Variants in CACNA1A observed in about 807,000 individuals in gnomAD.
CACNA1A encodes calcium voltage-gated channel subunit alpha1 A.
Under a neutral mutation model 262.4 loss-of-function variants are expected in CACNA1A, and 57 were observed. The ratio of observed to expected loss-of-function variants is 0.22; its 90% CI spans 0.18 to 0.27. CACNA1A has a LOEUF of 0.27. Among genes scored for constraint, CACNA1A ranks in the 10% least tolerant of loss-of-function variants. The pLI, the probability that CACNA1A is intolerant of heterozygous loss-of-function variation, is 1.00. For synonymous variants in CACNA1A, 1,431 were observed against 1,419.3 expected (o/e 1.01, Z -0.18); for missense variants, 2,526 against 3,562.8 (o/e 0.71, Z 7.41).
At chr19:13,266,553 T>C (rs1422547049) in intron 24 of CACNA1A, among the ~76,000 whole-genome samples, 1 of 151,936 alleles carries the variant, frequency 6.6e-6, no homozygotes, top group Non-Finnish European at 1.5e-5. Flanking sequence ...CATGGCCATT[T>C]TATTTTTTTA....
At chr19:13,306,177 G>C (rs1019906662) in intron 15 of CACNA1A, among the ~76,000 whole-genome samples, 1 of 152,050 alleles carries the variant, frequency 6.6e-6, no homozygotes, top group Non-Finnish European at 1.5e-5. Flanking sequence ...GAGAAGGAGA[G>C]AGTGAAGTCA....
At chr19:13,235,916 A>T in intron 31 of CACNA1A, 186 bp from the exon 32 acceptor site, 4 of 521,050 alleles carry the variant, frequency 7.7e-6, no homozygotes, top group East Asian at 3.1e-5. Flanking sequence ...AAAAGGAATA[A>T]TGTTGGGAGA....
Position 13,450,461 on chromosome 19 carries a change from C to T in CACNA1A, c.539+2415G>A, listed in dbSNP as rs2060896539. 3.3e-5 allele frequency: 5 copies of T among 152,454 alleles called. 1 individual carries two copies. In the South Asian group the frequency reaches 8.3e-4, roughly 25 times the overall value. The allele number at this position is 152,454 out of a possible 1,614,324, so 9.4% of individuals were successfully genotyped here. On this transcript the variant is annotated intron_variant, in intron 3 of 46. Transcript: ENST00000360228. ...CCCCTGCCTGCCACACATCCCATCC[C>T]TCCCCTGCTTTATTTTTCCTCTGTA...
At chr19:13,429,255 T>C (rs1478396397) in intron 3 of CACNA1A, among the ~76,000 whole-genome samples, 1 of 151,370 alleles carries the variant, frequency 6.6e-6, no homozygotes, top group Non-Finnish European at 1.5e-5. Flanking sequence ...TAAAATTAGC[T>C]CCATCTCTAG....
At position 13,207,395 on chromosome 19, in the gene CACNA1A, T is replaced by C. The variant is rs1600072715; in HGVS notation, c.7439A>G (p.His2480Arg). 1 of 1,538,984 alleles carries C rather than the reference T, an allele frequency of 6.5e-7. No individual in the cohort carries two copies. The highest frequency in any genetic ancestry group is 2.4e-5 in the East Asian group (1 of 40,884). ...CGGCCCGCGGGGCCTGGCCAGTCCGTGCGCCGGGTAGTAGCCGTTGGGGAG... is the reference window on the plus strand; with the variant it reads ...CGGCCCGCGGGGCCTGGCCAGTCCGCGCGCCGGGTAGTAGCCGTTGGGGAG... ...RRLPNGYYPA[H>R]GLARPRGPGS... Residue 2480 changes from histidine to arginine, a missense_variant, in exon 47 of 47, where the codon CAC becomes CGC. By Grantham distance (29) the His-to-Arg change is conservative. This residue lies in a region of CACNA1A where 929 missense variants were observed against 868.1 expected (regional missense o/e 1.07). Coordinates refer to ENST00000360228, the MANE Select transcript of CACNA1A (RefSeq NM_001127222.2). The surrounding 1 kb of genome is among the most constrained non-coding windows in gnomAD (Gnocchi z 5.7).
intron 15 of CACNA1A, chr19:13,307,539 G>C (rs995449309): frequency 1.7e-5 from 8 of 481,038 alleles, no homozygotes; most frequent in African/African-American, 1.6e-4. Flanking sequence ...TGGCCAAAGT[G>C]CTGGGATTAT....
chr19:13,370,701 G>C (rs2059307495), intron 4 of CACNA1A: 1 of 149,598 alleles, frequency 6.7e-6, no homozygotes, highest in Non-Finnish European at 1.5e-5. Flanking sequence ...TGGGATTCCA[G>C]GTGTGAGCCA....
chr19:13,262,656 G>A (rs962825188), intron 25 of CACNA1A, 78 bp downstream of exon 25: 1 of 824,576 alleles, frequency 1.2e-6, no homozygotes, highest in Admixed American at 2.0e-5. Flanking sequence ...TTGTCCTTGA[G>A]CAGTGTACAA....
At chr19:13,449,086 C>T (rs1434701113) in intron 3 of CACNA1A, among the ~76,000 whole-genome samples, 1 of 151,968 alleles carries the variant, frequency 6.6e-6, no homozygotes, top group African/African-American at 2.4e-5. Context: ...CCCACCTCAG[C>T]CTCCTGAGTA....
At position 13,368,252 on chromosome 19, in the gene CACNA1A, G is replaced by A. The variant is rs148069416; in HGVS notation, c.632-2783C>T. On this transcript the variant is annotated intron_variant, in intron 4 of 46. Coordinates refer to ENST00000360228, the MANE Select transcript of CACNA1A (RefSeq NM_001127222.2). ...ATTGCTTGAGTCTGGGGAGGTTGAG[G>A]CTGTACTGAGCTGTGATTGCACCAC... 9.5e-3 allele frequency among the ~76,000 whole-genome samples: 1,453 copies of A among 152,156 alleles called. 18 individuals carry two copies. Among genetic ancestry groups the A allele is most frequent in the African/African-American group, 0.033 (1,364 of 41,504 alleles).
intron 12 of CACNA1A, among the ~76,000 whole-genome samples, chr19:13,310,454 CAAAAAAAAAAAAAAAAAAAA>C (rs869052278): frequency 6.9e-4 from 18 of 25,902 alleles, no homozygotes; most frequent in African/African-American, 4.1e-3. Context: ...GACTCTGTCT[CAAAAAAAAAAAAAAAAAAAA>C]AAAAAAAAAA....
chr19:13,208,809 G>A lies in CACNA1A; in HGVS notation c.6727C>T (p.Gln2243Ter). 1 of 1,548,692 alleles carries A rather than the reference G, an allele frequency of 6.5e-7. No homozygotes were observed. The highest frequency in any genetic ancestry group is 8.7e-7 in the Non-Finnish European group (1 of 1,155,926). The stretch of plus-strand genomic sequence containing the variant: ...TCGCTGGGCGAGCGGGACCAGCGCT[G>A]GTCCCGAGCCCGTGCCCGGCCGTGG... ...PDHGRARARDQRWSRSPSEGR... is the reference protein window; with the variant it reads ...PDHGRARARD Residue 2243 changes from glutamine (Q) to a stop codon, truncating the protein, a stop_gained, in exon 46 of 47, where the codon CAG becomes TAG. Coordinates refer to ENST00000360228, the MANE Select transcript of CACNA1A (RefSeq NM_001127222.2). LOFTEE classifies it high-confidence loss of function.
chr19:13,269,118 T>A (rs2056949538), intron 24 of CACNA1A, among the ~76,000 whole-genome samples: 1 of 152,134 alleles, frequency 6.6e-6, no homozygotes, highest in Non-Finnish European at 1.5e-5. Flanking sequence ...CACCTCAGCC[T>A]CCCAAGTAGC....
chr19:13,277,170 G>C, intron 22 of CACNA1A, 42 bp from the exon 23 acceptor site: 1 of 1,423,138 alleles, frequency 7.0e-7, no homozygotes. Flanking sequence ...TCACTGGCCT[G>C]TTCCAGCAGA....
chr19:13,413,571 TAAAAAAAAAAA>T (rs58314938), intron 3 of CACNA1A, among the ~76,000 whole-genome samples: 1 of 71,868 alleles, frequency 1.4e-5, no homozygotes, highest in Non-Finnish European at 2.5e-5. Context: ...GGTCCTGTCT[TAAAAAAAAAAA>T]AAAAAAAAAA....
intron 3 of CACNA1A, among the ~76,000 whole-genome samples, chr19:13,441,013 A>T (rs2060709579): frequency 6.6e-6 from 1 of 152,154 alleles, no homozygotes; most frequent in African/African-American, 2.4e-5. Context: ...GAGTTTCACC[A>T]TGTTGCCCAG....
At chr19:13,227,379 A>C in intron 37 of CACNA1A, 52 bp downstream of exon 37, 1 of 793,076 alleles carries the variant, frequency 1.3e-6, no homozygotes, top group Non-Finnish European at 2.1e-6. Context: ...GAAGAAGAAG[A>C]AGAAAAAAAA....
rs1438791387 is a variant in CACNA1A at position 13,370,183 on chromosome 19, C to A, written c.631+1505G>T. Among the ~76,000 whole-genome samples, 4 of 151,840 alleles carry A rather than the reference C, an allele frequency of 2.6e-5. No individual in the cohort carries two copies. The East Asian group carries it at 7.7e-4, about 29-fold the overall frequency. ...TGGCGTGATTTCAGCTCACTGCAAC[C>A]TCCGCCCCCCGGGTTCAAGTGATTC... On this transcript the variant is annotated intron_variant, in intron 4 of 46. Transcript: ENST00000360228.
chr19:13,498,767 C>A (rs978874336), intron 1 of CACNA1A, among the ~76,000 whole-genome samples: 2 of 152,192 alleles, frequency 1.3e-5, no homozygotes, highest in South Asian at 4.1e-4. Flanking sequence ...CTCCCCCTTT[C>A]TTGGTCAACG....
Sources: gnomAD v4.1 joint callset for allele counts (sites outside exome capture counted in the v4.1 genomes callset) on GRCh38, gnomAD v4.1.1 for gene constraint, gnomAD v4.1.1 regional missense constraint, Gnocchi (gnomAD v3.1) non-coding constraint, MANE v1.5 for transcripts, NCBI Gene and HGNC (gene_info 2026-07-23, HGNC 2026-07-21) for gene names.